The following FAF2 variants were observed in gnomAD, a reference collection of about 807,000 sequenced individuals.
FAF2 encodes Fas associated factor family member 2.
Under a neutral mutation model 62.3 loss-of-function variants are expected in FAF2, and 9 were observed. That is an observed-to-expected ratio of 0.14 (90% CI 0.09 to 0.25). The LOEUF is 0.25. Ranked by LOEUF, FAF2 falls within the 10% of genes least tolerant of loss-of-function variation. The pLI, the probability that FAF2 is intolerant of heterozygous loss-of-function variation, is 1.00. For missense variants in FAF2, 368 were observed against 556.2 expected, an observed-to-expected ratio of 0.66 and a Z score of 3.40; for synonymous variants, 202 against 198.0, an observed-to-expected ratio of 1.02 and a Z score of -0.17.
intron 9 of FAF2, among the ~76,000 whole-genome samples, chr5:176,499,664 G>C (rs991169267): frequency 6.6e-6 from 1 of 150,776 alleles, no homozygotes; most frequent in African/African-American, 2.4e-5. Flanking sequence ...CCAGGCTGGC[G>C]TGCAGTGGCT....
intron 1 of FAF2, chr5:176,453,612 G>C (rs1449278603): frequency 6.6e-6 from 1 of 152,120 alleles, no homozygotes; most frequent in Non-Finnish European, 1.5e-5. Flanking sequence ...TGGTCCATTT[G>C]AGGGTTTTTT....
In FAF2 at chr5:176,499,058, A is replaced by G. The variant is rs1422291098; in HGVS notation, c.984A>G (p.Gln328=). The G allele has an allele frequency of 1.9e-6, 3 of 1,604,028 alleles. No homozygotes were observed. Among genetic ancestry groups the G allele is most frequent in the Non-Finnish European group, 2.6e-6 (3 of 1,174,404 alleles). The stretch of plus-strand genomic sequence containing the variant: ...GGAAGGAGGAGGAGGTGCAACAGCA[A>G]AAGTTGGCAGAGGAGAGACGGCGGC... ...KRRKEEEVQQ[Q]KLAEERRRQN... Residue 328 remains glutamine, a synonymous_variant, in exon 9 of 11, where the codon CAA becomes CAG. Transcript: ENST00000261942.
At chr5:176,450,043 A>G (rs774229804) in intron 1 of FAF2, among the ~76,000 whole-genome samples, 3 of 152,224 alleles carry the variant, frequency 2.0e-5, no homozygotes, top group African/African-American at 2.4e-5. Context: ...TGTGCAACTT[A>G]TATTTCAGTG....
At chr5:176,504,219 T>C (rs1755640654) in intron 10 of FAF2, among the ~76,000 whole-genome samples, 1 of 152,126 alleles carries the variant, frequency 6.6e-6, no homozygotes, top group South Asian at 2.1e-4. Context: ...TTCACGCCTC[T>C]AATCCCAGGA....
intron 1 of FAF2, among the ~76,000 whole-genome samples, chr5:176,478,510 G>T (rs566494866): frequency 6.6e-6 from 1 of 152,084 alleles, no homozygotes; most frequent in Non-Finnish European, 1.5e-5. Flanking sequence ...AGGGGGGTCG[G>T]TATGTTAGGT....
Position 176,491,399 on chromosome 5 carries a change from G to C in FAF2, c.345-795G>C, listed in dbSNP as rs1561825851. ...GCTGCCAGTACTCCACATCTGCCAG[G>C]GTACTGTGGAGCAGTTTTATAACTT... is the stretch of plus-strand genomic sequence containing the variant. On this transcript the variant is annotated intron_variant, in intron 4 of 10. Coordinates refer to ENST00000261942, the MANE Select transcript of FAF2 (RefSeq NM_014613.3). Among the ~76,000 whole-genome samples the C allele has an allele frequency of 2.6e-5, 4 of 152,086 alleles. No individual in the cohort carries two copies. The South Asian group carries it at 8.3e-4, about 31-fold the overall frequency.
intron 1 of FAF2, among the ~76,000 whole-genome samples, chr5:176,478,233 T>G (rs1039670286): frequency 3.3e-5 from 5 of 152,098 alleles, no homozygotes; most frequent in South Asian, 2.1e-4. Context: ...TCCCAGCACT[T>G]TGGGAGGCCA....
At chr5:176,472,661 TGCTTGAGGCCAGGA>T (rs1758592459) in intron 1 of FAF2, among the ~76,000 whole-genome samples, 1 of 145,522 alleles carries the variant, frequency 6.9e-6, no homozygotes, top group Non-Finnish European at 1.5e-5. Flanking sequence ...GTGGGAGGAT[TGCTTGAGGCCAGGA>T]GTTTGAGACC....
intron 5 of FAF2, 142 bp from the exon 6 acceptor site, chr5:176,493,857 A>AT (rs1759016486): frequency 3.3e-6 from 2 of 601,308 alleles, no homozygotes; most frequent in South Asian, 4.3e-5. Flanking sequence ...GAGCTCAGGA[A>AT]TTTTCTGATT....
rs959257804 is a variant in FAF2, at chr5:176,508,739, A to G, written c.*1789A>G. The stretch of plus-strand genomic sequence containing the variant: ...TCACCATCTGACTGCTGTCAATAAA[A>G]TGTATCTGGCGTGAACAGCAGGATA... On this transcript the variant is annotated 3_prime_UTR_variant, in exon 11 of 11. Transcript: ENST00000261942. The G allele has an allele frequency of 5.3e-5, 8 of 152,198 alleles. No individual in the cohort carries two copies. The highest frequency in any genetic ancestry group is 1.2e-4 in the Non-Finnish European group (8 of 68,026). The allele number at this position is 152,198 out of a possible 1,614,324, so 9.4% of individuals were successfully genotyped here. A position where few individuals can be genotyped will look rare whatever the true frequency, so the allele number is the denominator to read the frequency against.
chr5:176,487,825 A>G (rs897909862), intron 3 of FAF2, among the ~76,000 whole-genome samples: 2 of 152,000 alleles, frequency 1.3e-5, no homozygotes, highest in South Asian at 2.1e-4. Context: ...TTCTATATAC[A>G]TTATTTTAGG....
intron 5 of FAF2, among the ~76,000 whole-genome samples, chr5:176,493,260 C>A (rs564656916): frequency 1.3e-5 from 2 of 152,324 alleles, no homozygotes; most frequent in East Asian, 3.9e-4. Context: ...CTGGCTGTTC[C>A]CACCACACTC....
At position 176,486,277 on chromosome 5, in the gene FAF2, C is replaced by G. The variant is rs185602873; in HGVS notation, c.133-78C>G. 1.1e-5 allele frequency: 17 copies of G among 1,569,154 alleles called. No individual in the cohort carries two copies. The Admixed American group carries it at 3.0e-4, about 27-fold the overall frequency. ...ATGACCATCCTGTTTTGGAATACCA[C>G]GCAATAGTTGCCTCACCTCTTGTTG... On this transcript the variant is annotated intron_variant, in intron 2 of 10. Coordinates refer to ENST00000261942, the MANE Select transcript of FAF2 (RefSeq NM_014613.3).
chr5:176,458,667 G>A (rs905394069), intron 1 of FAF2, among the ~76,000 whole-genome samples: 3 of 151,998 alleles, frequency 2.0e-5, no homozygotes, highest in Non-Finnish European at 4.4e-5. Flanking sequence ...GCCTTCCAAA[G>A]TGCTGGGATT....
At chr5:176,503,419 A>G (rs947822225) in intron 10 of FAF2, among the ~76,000 whole-genome samples, 26 of 151,676 alleles carry the variant, frequency 1.7e-4, no homozygotes, top group African/African-American at 6.3e-4. Flanking sequence ...GCCAGGCATG[A>G]TGGCGTGGGC....
Position 176,507,489 on chromosome 5 carries a change from G to T in FAF2, c.*539G>T. 1 of 264,068 alleles carries T rather than the reference G, an allele frequency of 3.8e-6. No individual in the cohort carries two copies. Among genetic ancestry groups the T allele is most frequent in the African/African-American group, 2.3e-5 (1 of 43,938 alleles). 16.4% of individuals were successfully genotyped at this position (264,068 alleles called of 1,614,324 possible). Reference sequence around the variant, plus strand: ...ATAACTTTTATTTCTGTTTTGTAATGACCAAAGGAATGAGGCTGACATAGG... The same window carrying T: ...ATAACTTTTATTTCTGTTTTGTAATTACCAAAGGAATGAGGCTGACATAGG... On this transcript the variant is annotated 3_prime_UTR_variant, in exon 11 of 11. Transcript: ENST00000261942.
chr5:176,477,388 A>C (rs1477745356), intron 1 of FAF2, among the ~76,000 whole-genome samples: 1 of 151,912 alleles, frequency 6.6e-6, no homozygotes, highest in Non-Finnish European at 1.5e-5. Flanking sequence ...TGCCTGGCCT[A>C]GAGTCCAATT....
chr5:176,464,375 G>C (rs1162361366), intron 1 of FAF2, among the ~76,000 whole-genome samples: 1 of 151,908 alleles, frequency 6.6e-6, no homozygotes, highest in Non-Finnish European at 1.5e-5. Flanking sequence ...AATGCCATTT[G>C]GGTCTAATCA....
At chr5:176,495,631 C>T (rs1232522264) in intron 7 of FAF2, among the ~76,000 whole-genome samples, 1 of 151,766 alleles carries the variant, frequency 6.6e-6, no homozygotes, top group African/African-American at 2.4e-5. Context: ...CCTGCCTCAG[C>T]CTCTCGCCTA....
Sources: allele counts gnomAD v4.1 joint callset (sites outside exome capture counted in the v4.1 genomes callset), GRCh38; gene constraint gnomAD v4.1.1; transcripts MANE v1.5; gene names NCBI Gene and HGNC (gene_info 2026-07-23, HGNC 2026-07-21).